Variants in FAM227B observed in about 807,000 individuals in gnomAD.
The protein encoded by FAM227B is family with sequence similarity 227 member B.
In FAM227B, 88 loss-of-function variants were observed where a neutral mutation model predicts 73.8. The ratio of observed to expected loss-of-function variants is 1.19; its 90% confidence interval spans 1.00 to 1.42. The LOEUF is 1.42. FAM227B is among the 40% of genes most tolerant of loss of function. The pLI is 0.00. For missense variants in FAM227B, 632 were observed against 590.9 expected (o/e 1.07, Z -0.72); for synonymous variants, 210 against 190.5 (o/e 1.10, Z -0.84).
At chr15:49,554,497 T>C (rs1004394579) in intron 9 of FAM227B, among the ~76,000 whole-genome samples, 2 of 152,206 alleles carry the variant, frequency 1.3e-5, no homozygotes, top group Non-Finnish European at 1.5e-5. Context: ...AATTCCCCTC[T>C]GTCTAGGGCT....
At position 49,429,855 on chromosome 15, in the gene FAM227B, G is replaced by T. The variant is rs576689188; in HGVS notation, c.1013-58456C>A. 7.4e-4 allele frequency among the ~76,000 whole-genome samples: 113 copies of T among 151,966 alleles called. 2 individuals are homozygous for T. The South Asian group carries it at 0.011, about 15-fold the overall frequency. Reference sequence around the variant, plus strand: ...ATTAAGTCAGAATCTCACAAAGGTGGGAAGGACCAGGCATTAGTATTTGTT... The same window carrying T: ...ATTAAGTCAGAATCTCACAAAGGTGTGAAGGACCAGGCATTAGTATTTGTT... On this transcript the variant is annotated intron_variant, in intron 11 of 15. Coordinates refer to ENST00000299338, the MANE Select transcript of FAM227B (RefSeq NM_152647.3).
At chr15:49,334,222 C>A in intron 14 of FAM227B, 1 of 980,722 alleles carries the variant, frequency 1.0e-6, no homozygotes, top group South Asian at 4.7e-5. Flanking sequence ...ACAAACCTAT[C>A]AAGCTCCTTG....
chr15:49,516,766 T>C lies in FAM227B; in HGVS notation c.875-8418A>G, dbSNP rs941173508. Among the ~76,000 whole-genome samples the C allele has an allele frequency of 3.9e-5, 6 of 152,180 alleles. No homozygotes were observed. The East Asian group carries it at 5.8e-4, about 15-fold the overall frequency. ...CCAAAACTATGAATATGTCTTGTTA[T>C]ATGGTGAAGGGGACTTAAGGGAGAA... On this transcript the variant is annotated intron_variant, in intron 10 of 15. Transcript: ENST00000299338.
intron 9 of FAM227B, among the ~76,000 whole-genome samples, chr15:49,562,158 A>G (rs1397448240): frequency 6.6e-6 from 1 of 152,124 alleles, no homozygotes; most frequent in Non-Finnish European, 1.5e-5. Context: ...CAGAAATGAC[A>G]AAGGAGATAT....
rs376682092 is a variant in FAM227B, at chr15:49,341,997, G to GTGGTTGC, written c.1272-6502_1272-6501insGCAACCA. The stretch of plus-strand genomic sequence containing the variant: ...TGTTCTGTGTGCAGATGATAGCAAT[G>GTGGTTGC]TATTTTCTGTGGTTGATGGGTGAAG... On this transcript the variant is annotated intron_variant, in intron 13 of 15. Transcript: ENST00000299338. 1.1e-3 allele frequency among the ~76,000 whole-genome samples: 172 copies of GTGGTTGC among 152,260 alleles called. 1 individual carries two copies. In the East Asian group the frequency reaches 0.028, roughly 24 times the overall value.
intron 11 of FAM227B, among the ~76,000 whole-genome samples, chr15:49,441,542 T>C (rs1255393755): frequency 1.3e-5 from 2 of 151,514 alleles, no homozygotes; most frequent in Admixed American, 6.6e-5. Flanking sequence ...ACAGACAAAG[T>C]GGGACACAAA....
At chr15:49,452,178 A>C (rs1834359908) in intron 11 of FAM227B, among the ~76,000 whole-genome samples, 1 of 152,130 alleles carries the variant, frequency 6.6e-6, no homozygotes, top group South Asian at 2.1e-4. Context: ...AGTATCTGGC[A>C]CTACAGGTGC....
chr15:49,425,548 G>A (rs912055252), intron 11 of FAM227B: 7 of 151,866 alleles, frequency 4.6e-5, no homozygotes, highest in African/African-American at 1.7e-4. Flanking sequence ...CATATTAATT[G>A]TTTTAAAGTC....
intron 9 of FAM227B, among the ~76,000 whole-genome samples, chr15:49,558,555 C>T (rs551954546): frequency 1.3e-5 from 2 of 152,168 alleles, no homozygotes; most frequent in Non-Finnish European, 2.9e-5. Flanking sequence ...AAACCCAACT[C>T]CCACAGGTTT....
rs571719079 is a variant in FAM227B at position 49,483,998 on chromosome 15, T to A, written c.1012+24213A>T. On this transcript the variant is annotated intron_variant, in intron 11 of 15. Transcript: ENST00000299338. ...GAATGAGTGATGTGGGAATAAGTAA[T>A]ATGAGGCCTGTTACTTAGGGGGAAA... 8.7e-4 allele frequency among the ~76,000 whole-genome samples: 133 copies of A among 152,168 alleles called. 5 individuals are homozygous for A. In the South Asian group the frequency reaches 0.027, roughly 30 times the overall value.
chr15:49,441,310 T>C (rs1597211478), intron 11 of FAM227B, among the ~76,000 whole-genome samples: 1 of 151,820 alleles, frequency 6.6e-6, no homozygotes, highest in East Asian at 1.9e-4. Context: ...TGCAGTGTTA[T>C]AGGCTCATTA....
chr15:49,488,443 A>C (rs2056590503), intron 11 of FAM227B: 1 of 151,984 alleles, frequency 6.6e-6, no homozygotes, highest in Admixed American at 6.6e-5. Flanking sequence ...GAAGCAAGAA[A>C]TAATACAGTC....
intron 10 of FAM227B, among the ~76,000 whole-genome samples, chr15:49,514,537 C>T (rs980711229): frequency 6.6e-6 from 1 of 152,096 alleles, no homozygotes; most frequent in Non-Finnish European, 1.5e-5. Context: ...GTCATGTTAT[C>T]TGCAACAGAT....
chr15:49,424,426 T>C (rs1384043938), intron 11 of FAM227B: 1 of 1,613,648 alleles, frequency 6.2e-7, no homozygotes, highest in Non-Finnish European at 8.5e-7. Flanking sequence ...TGGCTACAAA[T>C]GTGAACTGTT....
Position 49,576,755 on chromosome 15 carries a change from C to T in FAM227B, c.532G>A (p.Ala178Thr). Residue 178 changes from alanine (A) to threonine (T), a missense_variant, in exon 7 of 16, where the codon GCC (alanine) becomes ACC (threonine). Coordinates refer to ENST00000299338, the MANE Select transcript of FAM227B (RefSeq NM_152647.3). ...AEQIYLFILK[A>T]HNFDERVFKI... is the part of the protein sequence containing the mutation. ...TATTTACATACATCAAAATTATGGGCTTTTAAAATAAAAAGATAAATTTGT... is the reference window on the plus strand; with the variant it reads ...TATTTACATACATCAAAATTATGGGTTTTTAAAATAAAAAGATAAATTTGT... 6.3e-7 allele frequency: 1 copy of T among 1,582,646 alleles called. No individual in the cohort carries two copies.
chr15:49,424,476 A>G, intron 11 of FAM227B: 1 of 1,613,582 alleles, frequency 6.2e-7, no homozygotes. Context: ...GATTACATGG[A>G]AGGAGGGGAT....
chr15:49,410,970 GTGTGTGTGTGTA>G lies in FAM227B; in HGVS notation c.1013-39583_1013-39572del, dbSNP rs1255410307. Reference sequence around the variant, plus strand: ...AGAAAAAGCATTTGAGAGTGTGTGTGTGTGTGTGTGTATGTGTGTGTGTGTATCTGTGTGTGG... The same window carrying G: ...AGAAAAAGCATTTGAGAGTGTGTGTGTGTGTGTGTGTGTATCTGTGTGTGG... On this transcript the variant is annotated intron_variant, in intron 11 of 15. Coordinates refer to ENST00000299338, the MANE Select transcript of FAM227B (RefSeq NM_152647.3). Among the ~76,000 whole-genome samples, 19 of 144,050 alleles carry G rather than the reference GTGTGTGTGTGTA, an allele frequency of 1.3e-4. No homozygotes were observed. In the East Asian group the frequency reaches 3.2e-3, roughly 24 times the overall value. The allele number at this position is 144,050 out of a possible 152,430, so 94.5% of individuals were successfully genotyped here.
chr15:49,342,112 T>G (rs569113535), intron 13 of FAM227B, among the ~76,000 whole-genome samples: 1 of 152,166 alleles, frequency 6.6e-6, no homozygotes, highest in African/African-American at 2.4e-5. Flanking sequence ...ATGATCTGCA[T>G]TATGTTGTCA....
chr15:49,584,593 A>G (rs1208760466), intron 5 of FAM227B, among the ~76,000 whole-genome samples: 2 of 152,166 alleles, frequency 1.3e-5, no homozygotes, highest in Admixed American at 1.3e-4. Flanking sequence ...TTCAGGTGAC[A>G]TTATCCTATA....
Sources: gnomAD v4.1 joint callset for allele counts (sites outside exome capture counted in the v4.1 genomes callset) on GRCh38, gnomAD v4.1.1 for gene constraint, MANE v1.5 for transcripts, NCBI Gene and HGNC (gene_info 2026-07-23, HGNC 2026-07-21) for gene names.